The following NALF1 variants were observed in gnomAD, a reference collection of about 807,000 sequenced individuals.
NALF1 encodes the protein NALCN channel auxiliary factor 1, also known as family with sequence similarity 155 member A.
A neutral mutation model predicts 48.4 loss-of-function variants in NALF1; 3 were observed. The observed-to-expected ratio is 0.06, with a 90% CI of 0.03 to 0.16. The LOEUF (loss-of-function observed/expected upper bound fraction) is 0.16, where lower values mean the gene tolerates loss of function less well. NALF1 is among the 10% of genes least tolerant of loss of function. NALF1 has a pLI of 1.00. For missense variants in NALF1, 526 were observed against 571.5 expected, an observed-to-expected ratio of 0.92 and a Z score of 0.81; for synonymous variants, 262 against 245.7, an observed-to-expected ratio of 1.07 and a Z score of -0.62.
intron 1 of NALF1, among the ~76,000 whole-genome samples, chr13:107,710,754 TAC>T (rs1159827060): frequency 1.4e-5 from 2 of 138,410 alleles, no homozygotes; most frequent in African/African-American, 5.3e-5. Context: ...ATCATATATA[TAC>T]ATATATGTAT....
chr13:107,733,555 AAG>A (rs1876375580), intron 1 of NALF1, among the ~76,000 whole-genome samples: 1 of 152,004 alleles, frequency 6.6e-6, no homozygotes, highest in African/African-American at 2.4e-5. Context: ...CAAATAGTCA[AAG>A]AGAGTAACAC....
intron 1 of NALF1, among the ~76,000 whole-genome samples, chr13:107,420,614 T>C (rs1026317642): frequency 1.2e-4 from 19 of 152,168 alleles, no homozygotes; most frequent in African/African-American, 4.3e-4. Context: ...GAAGTGACCC[T>C]GTCTCTTTAG....
At chr13:107,233,545 T>C (rs1880273332) in intron 1 of NALF1, among the ~76,000 whole-genome samples, 1 of 149,594 alleles carries the variant, frequency 6.7e-6, no homozygotes, top group African/African-American at 2.5e-5. Flanking sequence ...TCTTTGGGTA[T>C]TGAAATAAAT....
At chr13:107,443,928 AT>A (rs1018230617) in intron 1 of NALF1, among the ~76,000 whole-genome samples, 1 of 152,182 alleles carries the variant, frequency 6.6e-6, no homozygotes, top group Non-Finnish European at 1.5e-5. Context: ...TATTAGCAAC[AT>A]GAGGCATTTC....
chr13:107,583,221 A>C (rs1878362550), intron 1 of NALF1, among the ~76,000 whole-genome samples: 1 of 152,050 alleles, frequency 6.6e-6, no homozygotes, highest in Non-Finnish European at 1.5e-5. Context: ...AATGTTATAT[A>C]AATATATAAT....
intron 1 of NALF1, among the ~76,000 whole-genome samples, chr13:107,740,403 C>A (rs1361863923): frequency 6.6e-6 from 1 of 152,024 alleles, no homozygotes; most frequent in East Asian, 1.9e-4. Flanking sequence ...TCCTCTTTAT[C>A]TTTGGAGATT....
intron 1 of NALF1, among the ~76,000 whole-genome samples, chr13:107,242,238 T>A (rs1387897254): frequency 6.6e-6 from 1 of 152,178 alleles, no homozygotes; most frequent in East Asian, 1.9e-4. Context: ...GAGTTGGCCT[T>A]CCTCCTCCTC....
chr13:107,691,333 C>T (rs1432773366), intron 1 of NALF1, among the ~76,000 whole-genome samples: 8 of 152,184 alleles, frequency 5.3e-5, no homozygotes, highest in South Asian at 2.1e-4. Flanking sequence ...AGACAATACA[C>T]TTCTGTTATT....
intron 1 of NALF1, among the ~76,000 whole-genome samples, chr13:107,726,969 A>AAATGC (rs1876175306): frequency 6.9e-6 from 1 of 145,300 alleles, no homozygotes; most frequent in Non-Finnish European, 1.5e-5. Flanking sequence ...GTGTGAAATG[A>AAATGC]AGACTCCTTC....
At chr13:107,326,769 C>T (rs1594121796) in intron 1 of NALF1, among the ~76,000 whole-genome samples, 1 of 152,180 alleles carries the variant, frequency 6.6e-6, no homozygotes, top group East Asian at 1.9e-4. Flanking sequence ...AGCATGGTGC[C>T]CAGGGATAGT....
chr13:107,212,317 G>T (rs923613987), intron 1 of NALF1, among the ~76,000 whole-genome samples: 1 of 152,220 alleles, frequency 6.6e-6, no homozygotes, highest in Non-Finnish European at 1.5e-5. Context: ...CAATCACCAT[G>T]TAACTTGTTA....
intron 1 of NALF1, among the ~76,000 whole-genome samples, chr13:107,551,554 G>A (rs1166585378): frequency 1.3e-5 from 2 of 152,100 alleles, no homozygotes; most frequent in African/African-American, 2.4e-5. Flanking sequence ...ATATTACATC[G>A]AGTAAAGTTA....
chr13:107,606,106 C>A (rs1005516299), intron 1 of NALF1, among the ~76,000 whole-genome samples: 6 of 152,094 alleles, frequency 3.9e-5, no homozygotes, highest in Non-Finnish European at 8.8e-5. Context: ...TTCACATGTA[C>A]ATTCAAAAGC....
chr13:107,731,543 C>G (rs1876308543), intron 1 of NALF1, among the ~76,000 whole-genome samples: 1 of 152,092 alleles, frequency 6.6e-6, no homozygotes, highest in Non-Finnish European at 1.5e-5. Flanking sequence ...CTGTTGCTCT[C>G]CCTCCCATGC....
intron 1 of NALF1, among the ~76,000 whole-genome samples, chr13:107,322,968 G>A (rs1479825842): frequency 6.6e-6 from 1 of 152,076 alleles, no homozygotes; most frequent in Non-Finnish European, 1.5e-5. Flanking sequence ...TATACCCAGA[G>A]CTTTTATTTT....
chr13:107,453,265 T>G (rs1884772440), intron 1 of NALF1, among the ~76,000 whole-genome samples: 1 of 152,216 alleles, frequency 6.6e-6, no homozygotes, highest in Non-Finnish European at 1.5e-5. Flanking sequence ...AGGTTCTCCA[T>G]GAGGGCTCCG....
chr13:107,764,670 G>A (rs890989253), intron 1 of NALF1, among the ~76,000 whole-genome samples: 1 of 152,124 alleles, frequency 6.6e-6, no homozygotes, highest in African/African-American at 2.4e-5. Flanking sequence ...AGCGTGGAAT[G>A]CATCATGGTT....
chr13:107,661,671 T>C (rs1326705949), intron 1 of NALF1, among the ~76,000 whole-genome samples: 1 of 151,702 alleles, frequency 6.6e-6, no homozygotes, highest in African/African-American at 2.4e-5. Context: ...TTACCTCCCA[T>C]CTCACAGTTT....
chr13:107,204,999 C>CTT (rs66730624), intron 2 of NALF1, among the ~76,000 whole-genome samples: 5 of 149,036 alleles, frequency 3.4e-5, no homozygotes, highest in Admixed American at 1.3e-4. Context: ...ATGAGAACAT[C>CTT]TTTTTTTTTT....
Sources: gnomAD v4.1 joint callset for allele counts (sites outside exome capture counted in the v4.1 genomes callset) on GRCh38, gnomAD v4.1.1 for gene constraint, MANE v1.5 for transcripts, NCBI Gene and HGNC (gene_info 2026-07-23, HGNC 2026-07-21) for gene names.